The following DDX19A variants were observed in gnomAD, a reference collection of about 807,000 sequenced individuals.
The protein encoded by DDX19A is DEAD-box helicase 19A, also known as ATP-dependent RNA helicase DDX19A.
In DDX19A, 12 loss-of-function variants were observed where a neutral mutation model predicts 60.6. The observed-to-expected ratio is 0.20, with a 90% CI of 0.13 to 0.32. DDX19A has a LOEUF of 0.32. Among genes scored for constraint, DDX19A ranks in the 10% least tolerant of loss-of-function variants. DDX19A has a pLI of 1.00. For synonymous variants in DDX19A, 206 were observed against 218.2 expected (o/e 0.94, Z 0.49); for missense variants, 337 against 600.6 (o/e 0.56, Z 4.59).
chr16:70,361,882 C>CA (rs1283383019), intron 5 of DDX19A, among the ~76,000 whole-genome samples: 2 of 151,168 alleles, frequency 1.3e-5, no homozygotes, highest in African/African-American at 2.4e-5. Context: ...ACTAAAAATA[C>CA]AAAATTAGCT....
Position 70,372,971 on chromosome 16 carries a change from G to A in DDX19A, c.*985G>A, listed in dbSNP as rs918237218. ...GGATAGGCCGGGCGTGGTGGCTCATGCCTATAATCCCAGCACGTTGGGAGG... is the reference window on the plus strand; with the variant it reads ...GGATAGGCCGGGCGTGGTGGCTCATACCTATAATCCCAGCACGTTGGGAGG... On this transcript the variant is annotated 3_prime_UTR_variant, in exon 12 of 12. Coordinates refer to ENST00000302243, the MANE Select transcript of DDX19A (RefSeq NM_018332.5). 6.6e-6 allele frequency: 1 copy of A among 152,264 alleles called. No individual in the cohort carries two copies. The highest frequency in any genetic ancestry group is 2.4e-5 in the African/African-American group (1 of 41,460). 9.4% of individuals were successfully genotyped at this position (152,264 alleles called of 1,614,324 possible). A position where few individuals can be genotyped will look rare whatever the true frequency, so the allele number is the denominator to read the frequency against.
chr16:70,358,336 T>A (rs1213755748), intron 4 of DDX19A, among the ~76,000 whole-genome samples: 2 of 152,088 alleles, frequency 1.3e-5, no homozygotes, highest in Non-Finnish European at 2.9e-5. Context: ...CAGCCTTATT[T>A]TTTTATTTTT....
chr16:70,346,914 C>A lies in DDX19A; in HGVS notation c.-78C>A. On this transcript the variant is annotated 5_prime_UTR_variant, in exon 1 of 12. Coordinates refer to ENST00000302243, the MANE Select transcript of DDX19A (RefSeq NM_018332.5). ...GGTCCGCGTGAGGTGCATTCTCGCG[C>A]CGGTGGCGAGGTTAGGGCCCGCGTT... 6.9e-7 allele frequency: 1 copy of A among 1,450,700 alleles called. No homozygotes were observed. Among genetic ancestry groups the A allele is most frequent in the Non-Finnish European group, 9.5e-7 (1 of 1,057,786 alleles). 89.9% of individuals were successfully genotyped at this position (1,450,700 alleles called of 1,614,324 possible). A position where few individuals can be genotyped will look rare whatever the true frequency, so the allele number is the denominator to read the frequency against.
At chr16:70,356,372 T>G in intron 4 of DDX19A, 125 bp downstream of exon 4, 2 of 1,445,078 alleles carry the variant, frequency 1.4e-6, no homozygotes, top group Non-Finnish European at 1.9e-6. Context: ...CTTTTTTTTT[T>G]CGAGACAGAG....
chr16:70,369,297 G>A (rs911848122), intron 9 of DDX19A, among the ~76,000 whole-genome samples: 5 of 147,088 alleles, frequency 3.4e-5, no homozygotes, highest in South Asian at 2.2e-4. Context: ...CTCCTCCCTC[G>A]GCTTCCTGAG....
At chr16:70,351,566 G>T (rs1017780250) in intron 2 of DDX19A, among the ~76,000 whole-genome samples, 1 of 151,018 alleles carries the variant, frequency 6.6e-6, no homozygotes, top group African/African-American at 2.4e-5. Context: ...ACTCTGCCAC[G>T]CAGGCCGGAG....
intron 4 of DDX19A, among the ~76,000 whole-genome samples, chr16:70,360,374 G>A (rs1341559586): frequency 6.9e-6 from 1 of 143,900 alleles, no homozygotes; most frequent in East Asian, 2.0e-4. Flanking sequence ...AGCCCAGAGT[G>A]CAGCGGGGCA....
At chr16:70,365,277 A>C (rs927831950) in intron 7 of DDX19A, 146 bp downstream of exon 7, 2 of 511,908 alleles carry the variant, frequency 3.9e-6, no homozygotes, top group Non-Finnish European at 7.0e-6. Flanking sequence ...CTATTTGAAT[A>C]CCTGCTAATT....
At chr16:70,369,506 A>G (rs140359625) in intron 9 of DDX19A, among the ~76,000 whole-genome samples, 64 of 151,978 alleles carry the variant, frequency 4.2e-4, no homozygotes, top group South Asian at 1.5e-3. Context: ...TCCTAGGCTC[A>G]AGTGATCCTT....
At chr16:70,350,035 C>T (rs932866659) in intron 1 of DDX19A, among the ~76,000 whole-genome samples, 1 of 152,182 alleles carries the variant, frequency 6.6e-6, no homozygotes, top group African/African-American at 2.4e-5. Flanking sequence ...GTGACTCACA[C>T]CTGTAATCCC....
chr16:70,355,001 C>CA (rs1222188816), intron 2 of DDX19A, among the ~76,000 whole-genome samples: 156 of 135,974 alleles, frequency 1.1e-3, no homozygotes, highest in Middle Eastern at 7.8e-3. Context: ...GACCCTGTCT[C>CA]AAAAAAAAAA....
In DDX19A at chr16:70,366,070, C is replaced by T; in HGVS notation, c.605-15C>T. On this transcript the variant is annotated splice_polypyrimidine_tract_variant and intron_variant, in intron 7 of 11. Coordinates refer to ENST00000302243, the MANE Select transcript of DDX19A (RefSeq NM_018332.5). ...GCCTTTGAAATACCTATGAAAATCA[C>T]CTGGGTCTCCACAGTGGAAAGAGGC... is the stretch of plus-strand genomic sequence containing the variant. 6.2e-7 allele frequency: 1 copy of T among 1,614,190 alleles called. No homozygotes were observed. The highest frequency in any genetic ancestry group is 8.5e-7 in the Non-Finnish European group (1 of 1,180,040).
intron 2 of DDX19A, among the ~76,000 whole-genome samples, chr16:70,355,148 G>A (rs1191574542): frequency 6.6e-6 from 1 of 152,182 alleles, no homozygotes; most frequent in South Asian, 2.1e-4. Flanking sequence ...CAAGGTGGGC[G>A]GATCACTTGA....
chr16:70,350,099 T>G (rs1389969468), intron 1 of DDX19A, among the ~76,000 whole-genome samples: 1 of 151,926 alleles, frequency 6.6e-6, no homozygotes, highest in East Asian at 1.9e-4. Context: ...AGTTCGAGTT[T>G]GAGTTCAAGT....
chr16:70,364,960 T>G (rs1964472109), intron 6 of DDX19A, 57 bp from the exon 7 acceptor site: 1 of 1,398,842 alleles, frequency 7.1e-7, no homozygotes, highest in African/African-American at 1.4e-5. Flanking sequence ...ACTGGGTGCC[T>G]TCAGGTCTGT....
At chr16:70,366,576 T>A in intron 8 of DDX19A, 48 bp from the exon 9 acceptor site, 1 of 1,610,948 alleles carries the variant, frequency 6.2e-7, no homozygotes, top group Non-Finnish European at 8.5e-7. Context: ...GTGCTTCCGT[T>A]GCTTCCCAGG....
chr16:70,352,874 G>A (rs1272226093), intron 2 of DDX19A, among the ~76,000 whole-genome samples: 1 of 148,954 alleles, frequency 6.7e-6, no homozygotes, highest in Non-Finnish European at 1.5e-5. Context: ...CTGACCTCAG[G>A]TGATCCGCCC....
chr16:70,347,699 T>G (rs1963878455), intron 1 of DDX19A, among the ~76,000 whole-genome samples: 1 of 152,234 alleles, frequency 6.6e-6, no homozygotes, highest in African/African-American at 2.4e-5. Flanking sequence ...TTGTAGTTGT[T>G]TCTCTTTTGA....
intron 8 of DDX19A, 74 bp from the exon 9 acceptor site, chr16:70,366,550 C>T: frequency 1.3e-6 from 2 of 1,592,066 alleles, no homozygotes; most frequent in Non-Finnish European, 1.7e-6. Flanking sequence ...TCTAGACCCT[C>T]CCAGCTGGGG....
Sources: allele counts gnomAD v4.1 joint callset (sites outside exome capture counted in the v4.1 genomes callset), GRCh38; gene constraint gnomAD v4.1.1; transcripts MANE v1.5; gene names NCBI Gene and HGNC (gene_info 2026-07-23, HGNC 2026-07-21).